Variants in PPP2R1B observed in about 807,000 individuals in gnomAD.
The protein encoded by PPP2R1B is protein phosphatase 2 scaffold subunit Abeta.
PPP2R1B carries 58 observed loss-of-function variants against 72.7 expected under a neutral mutation model. That is an observed-to-expected ratio of 0.80 (90% confidence interval 0.65 to 0.99). The LOEUF is 0.99. Among genes scored for constraint, PPP2R1B ranks in the 50% least tolerant of loss-of-function variants. PPP2R1B has a pLI of 0.00. For missense variants in PPP2R1B, 695 were observed against 733.6 expected (o/e 0.95, Z 0.61); for synonymous variants, 256 against 264.6 (o/e 0.97, Z 0.32).
the PPP2R1B span, among the ~76,000 whole-genome samples, chr11:111,709,846 C>T: frequency 6.6e-6 from 1 of 152,180 alleles, no homozygotes. Flanking sequence ...TTGTAGTAGT[C>T]CAGGTCGGAT....
Position 111,728,923 on chromosome 11 carries a change from C to CAA in PPP2R1B, c.1912-1868_1912-1867dup, listed in dbSNP as rs753877747. ...TGGGCGACAGAGCAAGACTCCACCT[C>CAA]AAAAAAAAAAAAAAAGACAAGAGCA... On this transcript the variant is annotated intron_variant, in intron 15 of 15. Transcript: ENST00000311129. 15 of 91,116 alleles carry CAA rather than the reference C, an allele frequency of 1.6e-4. No homozygotes were observed. In the East Asian group the frequency reaches 2.2e-3, roughly 13 times the overall value. The allele number at this position is 91,116 out of a possible 1,614,324, so 5.6% of individuals were successfully genotyped here.
At chr11:111,734,691 T>G (rs1591667113), downstream of PPP2R1B, among the ~76,000 whole-genome samples, 1 of 152,262 alleles carries the variant, frequency 6.6e-6, no homozygotes, top group Non-Finnish European at 1.5e-5. Flanking sequence ...GTCCTCAGTT[T>G]GACTGGACTC....
Position 111,743,484 on chromosome 11 carries a change from A to C in PPP2R1B, c.1446T>G (p.Val482=). 1 of 1,614,056 alleles carries C rather than the reference A, an allele frequency of 6.2e-7. No homozygotes were observed. ...GGGCCCACTCTGTACCAAACTTCTG[A>C]ACTAGTTTCATGAGGTTGTTGGTGG... ...EAATNNLMKL[V]QKFGTEWAQN... The change falls in exon 12 of 15, where the codon GTT becomes GTG. Residue 482 remains valine (V), a synonymous_variant. Transcript: ENST00000527614.
At chr11:111,711,195 T>C in the PPP2R1B span, among the ~76,000 whole-genome samples, 1 of 151,870 alleles carries the variant, frequency 6.6e-6, no homozygotes, top group African/African-American at 2.4e-5. Context: ...CTTGGCTCAC[T>C]GCAAGCTCCG....
At chr11:111,705,917 A>G in the PPP2R1B span, among the ~76,000 whole-genome samples, 1 of 152,220 alleles carries the variant, frequency 6.6e-6, no homozygotes, top group Non-Finnish European at 1.5e-5. The surrounding 1 kb of genome is among the most constrained non-coding windows in gnomAD (Gnocchi z 4.3). Flanking sequence ...TTAAACTCAT[A>G]TGGCACTGTT....
the PPP2R1B span, among the ~76,000 whole-genome samples, chr11:111,711,747 C>T: frequency 9.8e-5 from 15 of 152,314 alleles, no homozygotes; most frequent in South Asian, 3.1e-3. Context: ...GTAGGGCAGG[C>T]AGAGACACAG....
At position 111,738,018 on chromosome 11, in the gene PPP2R1B, C is replaced by G. The variant is rs1944389367; in HGVS notation, c.*3578G>C. ...ACGTTATGTAATTTCCTGGAAACAG[C>G]AGGCTCGTGGAGGCAAACGGGGGAC... On this transcript the variant is annotated 3_prime_UTR_variant, in exon 15 of 15. Transcript: ENST00000527614. 1 of 1,009,500 alleles carries G rather than the reference C, an allele frequency of 9.9e-7. No homozygotes were observed. The highest frequency in any genetic ancestry group is 1.2e-6 in the Non-Finnish European group (1 of 843,250). The allele number at this position is 1,009,500 out of a possible 1,614,324, so 62.5% of individuals were successfully genotyped here. A position where few individuals can be genotyped will look rare whatever the true frequency, so the allele number is the denominator to read the frequency against.
chr11:111,756,803 T>G (rs1281733116), intron 5 of PPP2R1B, among the ~76,000 whole-genome samples: 7 of 151,884 alleles, frequency 4.6e-5, no homozygotes, highest in African/African-American at 1.7e-4. Context: ...TTTGAACAAG[T>G]GGAAAATATA....
chr11:111,757,199 G>T (rs1945155555), intron 5 of PPP2R1B, among the ~76,000 whole-genome samples: 1 of 151,668 alleles, frequency 6.6e-6, no homozygotes, highest in African/African-American at 2.4e-5. Flanking sequence ...ACATATATAA[G>T]GTAGAATCTT....
In PPP2R1B at chr11:111,747,793, C is replaced by T. The variant is rs118173434; in HGVS notation, c.1399+161G>A. Among the ~76,000 whole-genome samples the T allele has an allele frequency of 6.6e-3, 1,006 of 152,090 alleles. 8 individuals are homozygous for T. The highest frequency in any genetic ancestry group is 0.054 in the Middle Eastern group (16 of 294). On this transcript the variant is annotated intron_variant, in intron 11 of 14. Transcript: ENST00000527614. Reference sequence around the variant, plus strand: ...CGAAGATACAAAAAATTGGTAGAAACGTCAAATTTATATTCAGAAGATTAA... The same window carrying T: ...CGAAGATACAAAAAATTGGTAGAAATGTCAAATTTATATTCAGAAGATTAA...
rs564797917 is a variant in PPP2R1B, at chr11:111,755,440, C to A, written c.698G>T (p.Arg233Leu). The change falls in exon 6 of 15, where the codon CGC becomes CTC. Residue 233 changes from arginine (R) to leucine (L), a missense_variant. By Grantham distance (102) the Arg-to-Leu change is moderately radical. Coordinates refer to ENST00000527614, the MANE Select transcript of PPP2R1B (RefSeq NM_002716.5). ...SLASDEQDSV[R>L]LLAVEACVSI... ...GACACAAGCTTCCACAGCAAGGAGG[C>A]GCACTGAATCCTAAAGGAACAAAAT... is the stretch of plus-strand genomic sequence containing the variant. The A allele has an allele frequency of 1.2e-5, 19 of 1,602,510 alleles. No homozygotes were observed. Among genetic ancestry groups the A allele is most frequent in the African/African-American group, 2.7e-5 (2 of 74,044 alleles).
intron 5 of PPP2R1B, among the ~76,000 whole-genome samples, chr11:111,758,106 TG>T (rs1179688819): frequency 6.6e-6 from 1 of 152,228 alleles, no homozygotes; most frequent in Non-Finnish European, 1.5e-5. Context: ...ACTTGAAATG[TG>T]GCTGGTACAC....
chr11:111,720,811 GT>G, the PPP2R1B span: 3 of 1,572,478 alleles, frequency 1.9e-6, no homozygotes, highest in Non-Finnish European at 2.6e-6. Flanking sequence ...TAGGAGAGCA[GT>G]TTCTTGCCAT....
the PPP2R1B span, among the ~76,000 whole-genome samples, chr11:111,711,242 C>T: frequency 6.6e-6 from 1 of 151,984 alleles, no homozygotes; most frequent in Non-Finnish European, 1.5e-5. Context: ...CCTCAGCCTC[C>T]CAAGTAGCTG....
the PPP2R1B span, among the ~76,000 whole-genome samples, chr11:111,692,427 A>AGGCT: frequency 7.2e-6 from 1 of 138,708 alleles, no homozygotes. Flanking sequence ...ATAGAGATCG[A>AGGCT]GGCTGGGGTA....
chr11:111,692,918 T>C, the PPP2R1B span, among the ~76,000 whole-genome samples: 4 of 152,062 alleles, frequency 2.6e-5, no homozygotes, highest in African/African-American at 9.7e-5. Context: ...AAGCACAAAA[T>C]TAAAATATTT....
Position 111,743,498 on chromosome 11 carries a change from G to A in PPP2R1B, c.1432C>T (p.Leu478Phe). 8.1e-6 allele frequency: 13 copies of A among 1,613,698 alleles called. No individual in the cohort carries two copies. The highest frequency in any genetic ancestry group is 1.1e-5 in the Non-Finnish European group (13 of 1,179,924). Reference protein sequence around the residue: ...YAIREAATNNLMKLVQKFGTE... With the variant: ...YAIREAATNNFMKLVQKFGTE... The stretch of plus-strand genomic sequence containing the variant: ...CCAAACTTCTGAACTAGTTTCATGA[G>A]GTTGTTGGTGGCAGCTTCTCGGATG... The change falls in exon 12 of 15, where the codon CTC (leucine) becomes TTC (phenylalanine). Residue 478 changes from leucine (L) to phenylalanine (F), a missense_variant. Coordinates refer to ENST00000527614, the MANE Select transcript of PPP2R1B (RefSeq NM_002716.5).
the PPP2R1B span, among the ~76,000 whole-genome samples, chr11:111,714,769 C>G: frequency 1.3e-5 from 2 of 152,122 alleles, no homozygotes; most frequent in African/African-American, 4.8e-5. Context: ...CTGCCACAAG[C>G]CAGTGTTGAC....
Position 111,740,626 on chromosome 11 carries a change from G to C in PPP2R1B, c.*970C>G. Reference sequence around the variant, plus strand: ...AAGTAGAAAAGCAAACACTTCAAATGATAAGACTCCAGTATCACCCATACT... The same window carrying C: ...AAGTAGAAAAGCAAACACTTCAAATCATAAGACTCCAGTATCACCCATACT... On this transcript the variant is annotated 3_prime_UTR_variant, in exon 15 of 15. Transcript: ENST00000527614. 1 of 985,264 alleles carries C rather than the reference G, an allele frequency of 1.0e-6. No homozygotes were observed. 61.0% of individuals were successfully genotyped at this position (985,264 alleles called of 1,614,324 possible).
Sources: allele counts gnomAD v4.1 joint callset (sites outside exome capture counted in the v4.1 genomes callset), GRCh38; gene constraint gnomAD v4.1.1; non-coding constraint Gnocchi (gnomAD v3.1); transcripts MANE v1.5; gene names NCBI Gene and HGNC (gene_info 2026-07-23, HGNC 2026-07-21).